Variants in LRFN5 observed in about 807,000 individuals in gnomAD.
The protein encoded by LRFN5 is leucine rich repeat and fibronectin type III domain containing 5.
In LRFN5, 24 loss-of-function variants were observed where a neutral mutation model predicts 45.6. The ratio of observed to expected loss-of-function variants is 0.53; its 90% confidence interval spans 0.38 to 0.74. The LOEUF is 0.74. Among genes scored for constraint, LRFN5 ranks in the 30% least tolerant of loss-of-function variants. LRFN5 has a pLI of 0.00. For missense variants in LRFN5, 776 were observed against 861.5 expected (o/e 0.90, Z 1.24); for synonymous variants, 340 against 313.8 (o/e 1.08, Z -0.88).
intron 2 of LRFN5, among the ~76,000 whole-genome samples, chr14:41,778,833 A>G (rs1488701349): frequency 6.6e-6 from 1 of 151,804 alleles, no homozygotes; most frequent in East Asian, 1.9e-4. Flanking sequence ...ATGTGCACAA[A>G]TTTCCACATA....
At chr14:41,741,919 T>C (rs1884712489) in intron 1 of LRFN5, among the ~76,000 whole-genome samples, 1 of 151,526 alleles carries the variant, frequency 6.6e-6, no homozygotes, top group Non-Finnish European at 1.5e-5. Flanking sequence ...GAAAAAATCC[T>C]CAATGTCTCT....
At chr14:41,754,093 G>A (rs1042603807) in intron 1 of LRFN5, among the ~76,000 whole-genome samples, 6 of 152,120 alleles carry the variant, frequency 3.9e-5, no homozygotes, top group South Asian at 2.1e-4. Flanking sequence ...TTGAACCAGC[G>A]TTGCATCACA....
At chr14:41,625,260 G>T (rs562803160) in intron 1 of LRFN5, among the ~76,000 whole-genome samples, 3 of 113,970 alleles carry the variant, frequency 2.6e-5, no homozygotes, top group Non-Finnish European at 6.1e-5. Flanking sequence ...TCAAGGGTGG[G>T]TTCATCTGGA....
At chr14:41,692,428 A>G (rs137964759) in intron 1 of LRFN5, among the ~76,000 whole-genome samples, 3 of 151,508 alleles carry the variant, frequency 2.0e-5, no homozygotes, top group Non-Finnish European at 4.4e-5. Flanking sequence ...TTTTTTTATT[A>G]TTATACTTTA....
chr14:41,747,193 A>T (rs990657788), intron 1 of LRFN5, among the ~76,000 whole-genome samples: 2 of 152,104 alleles, frequency 1.3e-5, no homozygotes, highest in East Asian at 1.9e-4. Flanking sequence ...TAAAAATTCT[A>T]AAACACATAC....
chr14:41,662,792 T>C (rs956338278), intron 1 of LRFN5, among the ~76,000 whole-genome samples: 3 of 152,064 alleles, frequency 2.0e-5, no homozygotes, highest in African/African-American at 7.2e-5. Flanking sequence ...CTTTCTAAAT[T>C]TTGTGAAAAT....
intron 1 of LRFN5, among the ~76,000 whole-genome samples, chr14:41,734,335 T>TAC (rs1566642892): frequency 1.9e-5 from 2 of 107,676 alleles, no homozygotes; most frequent in East Asian, 7.2e-4. Flanking sequence ...TATATATATA[T>TAC]ATATATATAT....
intron 2 of LRFN5, 143 bp from the exon 3 acceptor site, chr14:41,886,463 C>G: frequency 1.7e-6 from 1 of 577,624 alleles, no homozygotes; most frequent in Non-Finnish European, 2.9e-6. Flanking sequence ...GCCTTTACTA[C>G]AGAATAAATA....
In LRFN5 at chr14:41,823,538, T is replaced by C. The variant is rs368186572; in HGVS notation, c.-21+56509T>C. ...TGTTAGTCTTTTGGGATTTATTTTA[T>C]AGGTAATTACATCCTCATGTGTTGC... On this transcript the variant is annotated intron_variant, in intron 2 of 5. Coordinates refer to ENST00000298119, the MANE Select transcript of LRFN5 (RefSeq NM_152447.5). Among the ~76,000 whole-genome samples, 29 of 152,258 alleles carry C rather than the reference T, an allele frequency of 1.9e-4. No homozygotes were observed. The South Asian group carries it at 2.7e-3, about 14-fold the overall frequency.
intron 1 of LRFN5, among the ~76,000 whole-genome samples, chr14:41,693,594 A>G (rs1441095893): frequency 6.6e-6 from 1 of 152,004 alleles, no homozygotes; most frequent in African/African-American, 2.4e-5. Flanking sequence ...TTTAAATTTC[A>G]TCTTCCAATT....
intron 1 of LRFN5, among the ~76,000 whole-genome samples, chr14:41,675,021 CG>C (rs1881544594): frequency 6.6e-6 from 1 of 151,706 alleles, no homozygotes; most frequent in Non-Finnish European, 1.5e-5. Context: ...CGGGCAGAGA[CG>C]CTCCTCACTT....
intron 1 of LRFN5, among the ~76,000 whole-genome samples, chr14:41,704,432 C>CTGTGTGTGTGTGTG (rs1312895541): frequency 3.1e-4 from 9 of 28,598 alleles, no homozygotes; most frequent in South Asian, 1.4e-3. Flanking sequence ...CTCTCTCTCT[C>CTGTGTGTGTGTGTG]TCTCTCTCTC....
intron 1 of LRFN5, among the ~76,000 whole-genome samples, chr14:41,686,659 T>A (rs1271589823): frequency 6.6e-6 from 1 of 152,150 alleles, no homozygotes; most frequent in African/African-American, 2.4e-5. Context: ...ATTGAGAGTT[T>A]TTAACATGAA....
rs151087926 is a variant in LRFN5 at position 41,864,543 on chromosome 14, G to A, written c.-20-22063G>A. 5.2e-3 allele frequency among the ~76,000 whole-genome samples: 793 copies of A among 152,206 alleles called. 3 individuals carry two copies. Among genetic ancestry groups the A allele is most frequent in the Non-Finnish European group, 7.9e-3 (536 of 67,996 alleles). On this transcript the variant is annotated intron_variant, in intron 2 of 5. Transcript: ENST00000298119. ...TTTTATAGCGACATGAGTTATGTGG[G>A]ATTAGAAGCCCACCCTACTCCAGTG... is the stretch of plus-strand genomic sequence containing the variant.
At chr14:41,776,047 G>A (rs74045414) in intron 2 of LRFN5, among the ~76,000 whole-genome samples, 1,969 of 152,272 alleles carry the variant, frequency 0.013, 42 homozygotes, top group African/African-American at 0.045. Context: ...GTGTCACTAA[G>A]TAGTGATTCC....
chr14:41,817,219 T>C (rs1242176363), intron 2 of LRFN5, among the ~76,000 whole-genome samples: 1 of 152,126 alleles, frequency 6.6e-6, no homozygotes, highest in Admixed American at 6.6e-5. Context: ...ATCTTAATCA[T>C]AGTTGTTTTA....
chr14:41,671,671 CA>C (rs1288394381), intron 1 of LRFN5, among the ~76,000 whole-genome samples: 2 of 129,218 alleles, frequency 1.5e-5, no homozygotes, highest in African/African-American at 6.3e-5. Context: ...GGCTGGAGTG[CA>C]ATGGCACTAT....
chr14:41,893,265 A>G, intron 4 of LRFN5: 7 of 956,536 alleles, frequency 7.3e-6, no homozygotes, highest in Non-Finnish European at 8.7e-6. Flanking sequence ...TGGAATTATT[A>G]GAAATTTACT....
At chr14:41,838,328 C>A (rs753189084) in intron 2 of LRFN5, among the ~76,000 whole-genome samples, 9 of 152,134 alleles carry the variant, frequency 5.9e-5, no homozygotes, top group Non-Finnish European at 1.5e-5. Context: ...CTTGGTATCA[C>A]ATACCCAAGG....
Sources: allele counts gnomAD v4.1 joint callset (sites outside exome capture counted in the v4.1 genomes callset), GRCh38; gene constraint gnomAD v4.1.1; transcripts MANE v1.5; gene names NCBI Gene and HGNC (gene_info 2026-07-23, HGNC 2026-07-21).